The following MRPL1 variants were observed in gnomAD, a reference collection of about 807,000 sequenced individuals.
MRPL1 encodes mitochondrial ribosomal protein L1.
In MRPL1, 28 loss-of-function variants were observed where a neutral mutation model predicts 38.0. The observed-to-expected ratio is 0.74, with a 90% CI of 0.55 to 1.01. MRPL1 has a LOEUF of 1.01. MRPL1 is among the 50% of genes least tolerant of loss of function. The pLI is 0.00. For missense variants in MRPL1, 358 were observed against 389.8 expected, an observed-to-expected ratio of 0.92 and a Z score of 0.69; for synonymous variants, 123 against 126.7, an observed-to-expected ratio of 0.97 and a Z score of 0.20.
Position 77,883,311 on chromosome 4 carries a change from A to C in MRPL1, c.213A>C (p.Lys71Asn). ...TPDEKKDEIE[K>N]IKAYPYMEGE... is the part of the protein sequence containing the mutation. ...ATGAGAAAAAAGATGAAATAGAAAA[A>C]ATAAAAGCATATCCCTATATGGAAG... The change falls in exon 3 of 9, where the codon AAA becomes AAC. Residue 71 changes from lysine (K) to asparagine (N), a missense_variant. Coordinates refer to ENST00000315567, the MANE Select transcript of MRPL1 (RefSeq NM_020236.4). 1 of 1,606,394 alleles carries C rather than the reference A, an allele frequency of 6.2e-7. No homozygotes were observed. Among genetic ancestry groups the C allele is most frequent in the Non-Finnish European group, 8.5e-7 (1 of 1,178,136 alleles).
intron 6 of MRPL1, chr4:77,906,909 T>TA: frequency 1.1e-6 from 1 of 947,752 alleles, no homozygotes; most frequent in South Asian, 4.9e-5. Context: ...TATTTTTTAG[T>TA]AATTATTCAT....
At chr4:77,871,434 A>G (rs1735277654) in intron 1 of MRPL1, among the ~76,000 whole-genome samples, 1 of 151,744 alleles carries the variant, frequency 6.6e-6, no homozygotes, top group Non-Finnish European at 1.5e-5. Flanking sequence ...CCTCCCAAGT[A>G]GCTGGGACTA....
In MRPL1 at chr4:77,949,884, T is replaced by C. The variant is rs1319005061; in HGVS notation, c.859+6T>C. On this transcript the variant is annotated splice_donor_region_variant and intron_variant, in intron 8 of 8. Transcript: ENST00000315567. ...GCACAGACCGCTGAATTTGGGTAAGTGGTTTGCTGAGGGTAGACTTCCCTA... is the reference window on the plus strand; with the variant it reads ...GCACAGACCGCTGAATTTGGGTAAGCGGTTTGCTGAGGGTAGACTTCCCTA... 1 of 1,599,062 alleles carries C rather than the reference T, an allele frequency of 6.3e-7. No individual in the cohort carries two copies. Among genetic ancestry groups the C allele is most frequent in the Non-Finnish European group, 8.5e-7 (1 of 1,169,696 alleles).
chr4:77,903,220 A>G (rs4128860), intron 6 of MRPL1, among the ~76,000 whole-genome samples: 77,546 of 152,054 alleles, frequency 0.51, 20,262 homozygotes, highest in Admixed American at 0.57. Flanking sequence ...CTGAACATCA[A>G]TATAATACAC....
rs1198176067 is a variant in MRPL1 at position 77,951,812 on chromosome 4, G to A, written c.860-677G>A. Among the ~76,000 whole-genome samples the A allele has an allele frequency of 3.3e-5, 5 of 152,260 alleles. No homozygotes were observed. In the East Asian group the frequency reaches 9.7e-4, roughly 29 times the overall value. ...ATGATCCCGGTGTGAGTTAGTGTGT[G>A]GGTTGTGTACGTGTGCCCTGCAATG... On this transcript the variant is annotated intron_variant, in intron 8 of 8. Coordinates refer to ENST00000315567, the MANE Select transcript of MRPL1 (RefSeq NM_020236.4).
chr4:77,865,644 G>A (rs1735110744), intron 1 of MRPL1, among the ~76,000 whole-genome samples: 1 of 152,214 alleles, frequency 6.6e-6, no homozygotes, highest in South Asian at 2.1e-4. Context: ...GGCAGTACAG[G>A]CTCTGAGCCA....
intron 2 of MRPL1, among the ~76,000 whole-genome samples, chr4:77,882,470 A>G (rs1010457433): frequency 1.3e-5 from 2 of 152,166 alleles, no homozygotes; most frequent in Non-Finnish European, 2.9e-5. Flanking sequence ...GCCCATGAGC[A>G]TTCACTTCTT....
intron 7 of MRPL1, among the ~76,000 whole-genome samples, chr4:77,945,499 A>C (rs981212096): frequency 6.9e-6 from 1 of 145,362 alleles, no homozygotes; most frequent in Non-Finnish European, 1.5e-5. Context: ...ATGTATGTGT[A>C]CTTTGCTTTT....
At chr4:77,903,682 T>G (rs1325798636) in intron 6 of MRPL1, among the ~76,000 whole-genome samples, 1 of 152,194 alleles carries the variant, frequency 6.6e-6, no homozygotes, top group East Asian at 1.9e-4. Context: ...CAGTTCCATT[T>G]ATGTGAGCAT....
chr4:77,871,408 G>A (rs1267043675), intron 1 of MRPL1, among the ~76,000 whole-genome samples: 4 of 151,716 alleles, frequency 2.6e-5, no homozygotes, highest in African/African-American at 4.8e-5. Context: ...GGGTTCAAAC[G>A]ATTCTCCTGC....
intron 7 of MRPL1, among the ~76,000 whole-genome samples, chr4:77,935,486 C>T (rs529898198): frequency 1.3e-5 from 2 of 151,920 alleles, no homozygotes; most frequent in Non-Finnish European, 2.9e-5. Context: ...CTCTGCCTCC[C>T]GGATTCAAGC....
intron 7 of MRPL1, among the ~76,000 whole-genome samples, chr4:77,913,208 A>G (rs893035037): frequency 1.3e-5 from 2 of 152,132 alleles, no homozygotes; most frequent in African/African-American, 4.8e-5. Context: ...ACTCTTTAAA[A>G]GACACTGTTA....
chr4:77,909,359 C>T lies in MRPL1; in HGVS notation c.764C>T (p.Thr255Ile). Residue 255 changes from threonine (T) to isoleucine (I), a missense_variant, in exon 7 of 9, where the codon ACC becomes ATC. Thr to Ile is a moderately conservative substitution (Grantham distance 89). Transcript: ENST00000315567. Reference sequence around the variant, plus strand: ...GAAGAAAGGGAGAACTTTCTCCAGACCAAAATAGCAACAGTAAGTTACAAT... The same window carrying T: ...GAAGAAAGGGAGAACTTTCTCCAGATCAAAATAGCAACAGTAAGTTACAAT... ...VDEERENFLQ[T>I]KIATLDMSSD... The T allele has an allele frequency of 1.9e-6, 3 of 1,570,178 alleles. No individual in the cohort carries two copies. Among genetic ancestry groups the T allele is most frequent in the Non-Finnish European group, 2.6e-6 (3 of 1,145,214 alleles).
chr4:77,870,513 C>T (rs762489024), intron 1 of MRPL1, among the ~76,000 whole-genome samples: 1 of 152,172 alleles, frequency 6.6e-6, no homozygotes, highest in African/African-American at 2.4e-5. Context: ...CATAAAATCT[C>T]ATCTGCATCT....
chr4:77,882,297 T>C (rs1735560089), intron 2 of MRPL1, among the ~76,000 whole-genome samples: 1 of 152,252 alleles, frequency 6.6e-6, no homozygotes, highest in Non-Finnish European at 1.5e-5. Context: ...CTAACTCTAT[T>C]ATTTTTTAAA....
At chr4:77,880,523 G>T (rs1469123158) in intron 2 of MRPL1, among the ~76,000 whole-genome samples, 2 of 148,388 alleles carry the variant, frequency 1.3e-5, no homozygotes, top group Non-Finnish European at 3.0e-5. Flanking sequence ...GCCATGTAAG[G>T]TAATATATTC....
intron 5 of MRPL1, among the ~76,000 whole-genome samples, chr4:77,891,501 G>T (rs1490361424): frequency 6.6e-6 from 1 of 151,828 alleles, no homozygotes; most frequent in Non-Finnish European, 1.5e-5. Context: ...GATTACAGGC[G>T]CCTGCCACTG....
intron 6 of MRPL1, among the ~76,000 whole-genome samples, chr4:77,905,975 A>G (rs547952586): frequency 6.6e-6 from 1 of 152,342 alleles, no homozygotes; most frequent in African/African-American, 2.4e-5. Flanking sequence ...GTTGGAAATC[A>G]TGAGAGAGAT....
At chr4:77,865,881 C>T (rs1390736189) in intron 1 of MRPL1, among the ~76,000 whole-genome samples, 3 of 152,142 alleles carry the variant, frequency 2.0e-5, no homozygotes, top group Non-Finnish European at 4.4e-5. Flanking sequence ...CTCCTGTGCT[C>T]AGAACTCTGC....
Sources: gnomAD v4.1 joint callset for allele counts (sites outside exome capture counted in the v4.1 genomes callset) on GRCh38, gnomAD v4.1.1 for gene constraint, MANE v1.5 for transcripts, NCBI Gene and HGNC (gene_info 2026-07-23, HGNC 2026-07-21) for gene names.